PLEKHM3: variants seen among roughly 807,000 people sequenced by gnomAD.
PLEKHM3 encodes pleckstrin homology domain containing M3.
A neutral mutation model predicts 81.8 loss-of-function variants in PLEKHM3; 45 were observed. That is an observed-to-expected ratio of 0.55 (90% CI 0.43 to 0.71). PLEKHM3 has a LOEUF of 0.71. Ranked by LOEUF, PLEKHM3 falls within the 30% of genes least tolerant of loss-of-function variation. The pLI, the probability that PLEKHM3 is intolerant of heterozygous loss-of-function variation, is 0.00. For synonymous variants in PLEKHM3, 352 were observed against 356.4 expected, an observed-to-expected ratio of 0.99 and a Z score of 0.14; for missense variants, 788 against 924.3, an observed-to-expected ratio of 0.85 and a Z score of 1.91.
At chr2:207,853,163 G>A (rs771676743) in intron 7 of PLEKHM3, among the ~76,000 whole-genome samples, 6 of 152,192 alleles carry the variant, frequency 3.9e-5, no homozygotes, top group Non-Finnish European at 1.5e-5. Context: ...TCAGGATCAT[G>A]TTTGTAATCC....
At chr2:207,829,407 G>T (rs891038983) in intron 7 of PLEKHM3, among the ~76,000 whole-genome samples, 2 of 152,226 alleles carry the variant, frequency 1.3e-5, no homozygotes, top group South Asian at 4.2e-4. Flanking sequence ...CTCCCGAGTA[G>T]TTGGGACTAC....
At chr2:208,003,939 G>A (rs1438122496) in intron 1 of PLEKHM3, among the ~76,000 whole-genome samples, 3 of 152,190 alleles carry the variant, frequency 2.0e-5, no homozygotes, top group Non-Finnish European at 4.4e-5. Context: ...AGAGCATTAA[G>A]TTGTTAATTG....
At chr2:207,931,373 C>G (rs1251704693) in intron 4 of PLEKHM3, among the ~76,000 whole-genome samples, 1 of 152,182 alleles carries the variant, frequency 6.6e-6, no homozygotes, top group Non-Finnish European at 1.5e-5. Flanking sequence ...ACACATGTGA[C>G]AGAACGGCAC....
At chr2:207,982,181 T>C (rs986982496) in intron 2 of PLEKHM3, among the ~76,000 whole-genome samples, 6 of 151,896 alleles carry the variant, frequency 4.0e-5, no homozygotes, top group African/African-American at 1.5e-4. Flanking sequence ...CTGTTTGTGA[T>C]TTATTTATTT....
intron 2 of PLEKHM3, among the ~76,000 whole-genome samples, chr2:207,997,880 A>G (rs1320720973): frequency 6.6e-6 from 1 of 152,172 alleles, no homozygotes; most frequent in Non-Finnish European, 1.5e-5. Context: ...CAGGAGAAAC[A>G]ACGAGTCTTT....
intron 3 of PLEKHM3, among the ~76,000 whole-genome samples, chr2:207,951,346 T>G (rs1441386251): frequency 6.6e-6 from 1 of 152,222 alleles, no homozygotes; most frequent in East Asian, 1.9e-4. Context: ...ACATATTATA[T>G]TTTTATGTAC....
chr2:207,983,508 A>G (rs1366731564), intron 2 of PLEKHM3, among the ~76,000 whole-genome samples: 1 of 152,168 alleles, frequency 6.6e-6, no homozygotes, highest in Admixed American at 6.5e-5. Context: ...TTCCCCAAAG[A>G]AAACAGAGAA....
chr2:208,001,392 G>C lies in PLEKHM3; in HGVS notation c.248C>G (p.Thr83Ser). The C allele has an allele frequency of 6.2e-7, 1 of 1,614,122 alleles. No homozygotes were observed. The highest frequency in any genetic ancestry group is 1.1e-5 in the South Asian group (1 of 91,078). ...WDHCKSRLLE[T>S]KAQNVFPAKE... ...GGCAGGGAAGACATTTTGAGCTTTGGTTTCTAAGAGCCTGCTCTTACAGTG... is the reference window on the plus strand; with the variant it reads ...GGCAGGGAAGACATTTTGAGCTTTGCTTTCTAAGAGCCTGCTCTTACAGTG... Residue 83 changes from threonine to serine, a missense_variant, in exon 2 of 8, where the codon ACC (threonine) becomes AGC (serine). Transcript: ENST00000427836.
chr2:207,858,160 G>T (rs2092446257), intron 7 of PLEKHM3, among the ~76,000 whole-genome samples: 1 of 101,362 alleles, frequency 9.9e-6, no homozygotes, highest in African/African-American at 4.1e-5. Flanking sequence ...GTGTGTGTGT[G>T]TGTGTGTGTG....
chr2:207,876,730 C>T (rs985695498), intron 6 of PLEKHM3, among the ~76,000 whole-genome samples: 8 of 152,272 alleles, frequency 5.3e-5, no homozygotes, highest in Non-Finnish European at 1.0e-4. Context: ...TCAGTTAGGA[C>T]GCATATTGCC....
At chr2:207,979,078 A>C (rs879442041) in intron 2 of PLEKHM3, among the ~76,000 whole-genome samples, 2 of 152,230 alleles carry the variant, frequency 1.3e-5, no homozygotes, top group Non-Finnish European at 2.9e-5. Flanking sequence ...AATGCTCAGC[A>C]CATAGTAGGT....
chr2:207,875,456 A>G (rs927128800), intron 6 of PLEKHM3, among the ~76,000 whole-genome samples: 2 of 152,356 alleles, frequency 1.3e-5, no homozygotes, highest in East Asian at 1.9e-4. Flanking sequence ...GAATGGAAGT[A>G]TTAAATTGGT....
intron 2 of PLEKHM3, among the ~76,000 whole-genome samples, chr2:207,982,585 T>C (rs1691570566): frequency 6.7e-6 from 1 of 148,950 alleles, no homozygotes; most frequent in African/African-American, 2.5e-5. Flanking sequence ...TTTCTTTTTT[T>C]TTTTTTTTTT....
At chr2:207,933,630 T>A (rs1405446273) in intron 4 of PLEKHM3, among the ~76,000 whole-genome samples, 1 of 152,150 alleles carries the variant, frequency 6.6e-6, no homozygotes. Flanking sequence ...CTTAAAAGGC[T>A]TCTCTCTTCA....
intron 3 of PLEKHM3, among the ~76,000 whole-genome samples, chr2:207,965,768 A>G (rs926803933): frequency 6.6e-6 from 1 of 152,226 alleles, no homozygotes; most frequent in Non-Finnish European, 1.5e-5. Flanking sequence ...TGCAAAAAGT[A>G]AAGTAATTTA....
At chr2:208,002,387 T>C (rs1274450093) in intron 1 of PLEKHM3, among the ~76,000 whole-genome samples, 1 of 152,216 alleles carries the variant, frequency 6.6e-6, no homozygotes, top group African/African-American at 2.4e-5. Context: ...TTGTTGGGTT[T>C]AAAGGTACCA....
At chr2:207,852,717 G>C (rs973549253) in intron 7 of PLEKHM3, 1 of 406,124 alleles carries the variant, frequency 2.5e-6, no homozygotes, top group Non-Finnish European at 4.7e-6. Flanking sequence ...GGCAGGGAAA[G>C]GCTGAAAAAC....
chr2:207,985,377 G>A lies in PLEKHM3; in HGVS notation c.611-7791C>T, dbSNP rs1033414424. Among the ~76,000 whole-genome samples the A allele has an allele frequency of 5.3e-5, 8 of 151,654 alleles. No homozygotes were observed. In the South Asian group the frequency reaches 1.7e-3, roughly 32 times the overall value. On this transcript the variant is annotated intron_variant, in intron 2 of 7. Transcript: ENST00000427836. The stretch of plus-strand genomic sequence containing the variant: ...GGCTCTATGTCTATACCCTTATGAC[G>A]ACTCAGAGTCATTTTTGCCTTATAT...
At chr2:207,944,370 CTG>C (rs1217817939) in intron 4 of PLEKHM3, among the ~76,000 whole-genome samples, 6 of 152,142 alleles carry the variant, frequency 3.9e-5, no homozygotes, top group African/African-American at 1.4e-4. Context: ...TTTGGCAAAA[CTG>C]TGATGGAGAC....
Sources: allele counts gnomAD v4.1 joint callset (sites outside exome capture counted in the v4.1 genomes callset), GRCh38; gene constraint gnomAD v4.1.1; transcripts MANE v1.5; gene names NCBI Gene and HGNC (gene_info 2026-07-23, HGNC 2026-07-21).